WIPF1: variants seen among roughly 807,000 people sequenced by gnomAD.
WIPF1 encodes the protein WAS/WASL-interacting protein family member 1.
Under a neutral mutation model 35.4 loss-of-function variants are expected in WIPF1, and 13 were observed. That is an observed-to-expected ratio of 0.37 (90% CI 0.24 to 0.58). The LOEUF is 0.58. WIPF1 is among the 20% of genes least tolerant of loss of function. WIPF1 has a pLI of 0.74. For missense variants in WIPF1, 591 were observed against 667.0 expected (o/e 0.89, Z 1.25); for synonymous variants, 267 against 266.3 (o/e 1.00, Z -0.02).
intron 1 of WIPF1, chr2:174,665,781 G>C (rs1687878449): frequency 6.6e-6 from 1 of 152,170 alleles, no homozygotes; most frequent in African/African-American, 2.4e-5. Flanking sequence ...AACCAAAAAA[G>C]GTTTCAGAAC....
At chr2:174,623,333 G>A (rs1249361681) in intron 1 of WIPF1, 1 of 152,222 alleles carries the variant, frequency 6.6e-6, no homozygotes, top group Non-Finnish European at 1.5e-5. Context: ...CTGCACTCAA[G>A]GTGTCAGCTG....
chr2:174,584,451 G>C (rs1427293583), intron 2 of WIPF1, among the ~76,000 whole-genome samples: 1 of 152,182 alleles, frequency 6.6e-6, no homozygotes, highest in East Asian at 1.9e-4. Context: ...ATGTGAAAAT[G>C]GTGAAAATGA....
At chr2:174,666,504 C>G (rs1687894722) in intron 1 of WIPF1, among the ~76,000 whole-genome samples, 1 of 152,210 alleles carries the variant, frequency 6.6e-6, no homozygotes, top group Non-Finnish European at 1.5e-5. Context: ...ACACCCTGCC[C>G]TCTAGTTCCT....
intron 1 of WIPF1, among the ~76,000 whole-genome samples, chr2:174,679,976 C>T (rs1043051818): frequency 3.9e-5 from 6 of 152,154 alleles, no homozygotes; most frequent in African/African-American, 1.2e-4. Flanking sequence ...ATTAATCTTT[C>T]GATGCCTGGC....
At chr2:174,604,289 A>G (rs554349698) in intron 1 of WIPF1, among the ~76,000 whole-genome samples, 3 of 152,374 alleles carry the variant, frequency 2.0e-5, no homozygotes, top group African/African-American at 7.2e-5. Context: ...AGTTGCCCAA[A>G]GAGCTGAGAT....
At chr2:174,658,046 C>T (rs1387917366) in intron 1 of WIPF1, among the ~76,000 whole-genome samples, 1 of 151,664 alleles carries the variant, frequency 6.6e-6, no homozygotes, top group African/African-American at 2.4e-5. Context: ...GAATGAAAAA[C>T]TTATTCTTTA....
intron 1 of WIPF1, among the ~76,000 whole-genome samples, chr2:174,617,142 C>T (rs1399356287): frequency 6.6e-6 from 1 of 152,056 alleles, no homozygotes; most frequent in Non-Finnish European, 1.5e-5. Context: ...TTCTATTCTT[C>T]AAGTGTTGGC....
At chr2:174,573,752 C>G (rs781777019) in intron 4 of WIPF1, among the ~76,000 whole-genome samples, 2 of 152,116 alleles carry the variant, frequency 1.3e-5, no homozygotes. Flanking sequence ...GGAAGTGGAG[C>G]CTGAGTGGCC....
upstream of WIPF1, among the ~76,000 whole-genome samples, chr2:174,602,025 C>T (rs1686025939): frequency 6.6e-6 from 1 of 152,158 alleles, no homozygotes; most frequent in Non-Finnish European, 1.5e-5. Context: ...ATACTATAAC[C>T]AAAGGCCTGA....
chr2:174,657,349 C>T (rs548478435), intron 1 of WIPF1, among the ~76,000 whole-genome samples: 1 of 152,160 alleles, frequency 6.6e-6, no homozygotes, highest in Non-Finnish European at 1.5e-5. Flanking sequence ...GAATAGCATG[C>T]CTCTTAAACC....
At chr2:174,606,947 AT>A (rs1176955623) in intron 1 of WIPF1, among the ~76,000 whole-genome samples, 1 of 152,226 alleles carries the variant, frequency 6.6e-6, no homozygotes, top group East Asian at 1.9e-4. Context: ...GAGGGGCCAC[AT>A]CTGGTGAGGG....
At chr2:174,661,423 G>A (rs945956565) in intron 1 of WIPF1, among the ~76,000 whole-genome samples, 3 of 151,588 alleles carry the variant, frequency 2.0e-5, no homozygotes, top group South Asian at 2.1e-4. Flanking sequence ...TCTCTTTTCC[G>A]GACTTGTCCA....
chr2:174,570,428 G>C (rs546679778), intron 5 of WIPF1: 3 of 152,136 alleles, frequency 2.0e-5, no homozygotes, highest in Non-Finnish European at 4.4e-5. Flanking sequence ...TAATAAACAA[G>C]TATGACTTAC....
chr2:174,613,830 T>C (rs1265875500), intron 1 of WIPF1, among the ~76,000 whole-genome samples: 1 of 152,204 alleles, frequency 6.6e-6, no homozygotes, highest in Non-Finnish European at 1.5e-5. Flanking sequence ...AAGACTTTTA[T>C]AATGCTGAGT....
chr2:174,629,592 A>G (rs1686952790), intron 1 of WIPF1: 1 of 152,266 alleles, frequency 6.6e-6, no homozygotes, highest in Non-Finnish European at 1.5e-5. Flanking sequence ...TTGCTTAGAA[A>G]AAAGTTTTAG....
chr2:174,603,450 G>A (rs149145220), intron 1 of WIPF1, among the ~76,000 whole-genome samples: 62 of 152,328 alleles, frequency 4.1e-4, no homozygotes, highest in African/African-American at 1.4e-3. Context: ...GCCTGGACTG[G>A]AAAATTGGCA....
intron 1 of WIPF1, among the ~76,000 whole-genome samples, chr2:174,630,082 T>C (rs1465658052): frequency 6.6e-6 from 1 of 152,188 alleles, no homozygotes; most frequent in Non-Finnish European, 1.5e-5. Context: ...CTCTAGAGAA[T>C]TCCTCCCATT....
intron 1 of WIPF1, among the ~76,000 whole-genome samples, chr2:174,638,722 C>G (rs1687236996): frequency 6.6e-6 from 1 of 152,124 alleles, no homozygotes; most frequent in Admixed American, 6.6e-5. Context: ...TCACAAATGA[C>G]AGGAGTTTAT....
At chr2:174,636,651 C>T (rs1687187569) in intron 1 of WIPF1, among the ~76,000 whole-genome samples, 1 of 152,214 alleles carries the variant, frequency 6.6e-6, no homozygotes, top group African/African-American at 2.4e-5. Context: ...TTCTTACGCT[C>T]CACTTGGCTG....
Sources: allele counts gnomAD v4.1 joint callset (sites outside exome capture counted in the v4.1 genomes callset), GRCh38; gene constraint gnomAD v4.1.1; transcripts MANE v1.5; gene names NCBI Gene and HGNC (gene_info 2026-07-23, HGNC 2026-07-21).